The following CRACDL variants were observed in gnomAD, a reference collection of about 807,000 sequenced individuals.
CRACDL encodes CRACD-like protein.
In CRACDL, 26 loss-of-function variants were observed where a neutral mutation model predicts 70.6. The ratio of observed to expected loss-of-function variants is 0.37; its 90% CI spans 0.27 to 0.51. The LOEUF (loss-of-function observed/expected upper bound fraction) is 0.51. Among genes scored for constraint, CRACDL ranks in the 20% least tolerant of loss-of-function variants. CRACDL has a pLI of 0.94. For missense variants in CRACDL, 1,283 were observed against 1,376.9 expected (o/e 0.93, Z 1.08); for synonymous variants, 618 against 615.2 (o/e 1.00, Z -0.07).
In CRACDL at chr2:98,915,219, A is replaced by G. The variant is rs1025810832; in HGVS notation, c.-11+20719T>C. Among the ~76,000 whole-genome samples, 14 of 152,326 alleles carry G rather than the reference A, an allele frequency of 9.2e-5. No individual in the cohort carries two copies. The East Asian group carries it at 2.7e-3, about 29-fold the overall frequency. ...CCTGAGGAGACTCAGGCTCAGAGAC[A>G]AGGGGGCACAGAGTGCTGGAGAGGT... On this transcript the variant is annotated intron_variant, in intron 1 of 9. Coordinates refer to ENST00000397899, the MANE Select transcript of CRACDL (RefSeq NM_207362.3).
intron 5 of CRACDL, among the ~76,000 whole-genome samples, chr2:98,831,753 G>A (rs893706538): frequency 8.5e-5 from 13 of 152,100 alleles, no homozygotes; most frequent in African/African-American, 3.1e-4. Flanking sequence ...CGAGTTCCTC[G>A]GGGCCCCCCT....
At position 98,815,657 on chromosome 2, in the gene CRACDL, C is replaced by T. The variant is rs1704754159; in HGVS notation, c.2416+6200G>A. ...TCAAAAGAGCTCTGACCCATAGGAG[C>T]TGCTGTGGGGAGAGGCAGGTACTCA... On this transcript the variant is annotated intron_variant, in intron 7 of 9. Coordinates refer to ENST00000397899, the MANE Select transcript of CRACDL (RefSeq NM_207362.3). 2.0e-5 allele frequency among the ~76,000 whole-genome samples: 3 copies of T among 152,332 alleles called. 1 individual carries two copies. In the South Asian group the frequency reaches 6.2e-4, roughly 32 times the overall value.
intron 1 of CRACDL, among the ~76,000 whole-genome samples, chr2:98,852,894 T>G (rs1573074251): frequency 7.8e-6 from 1 of 128,068 alleles, no homozygotes. Flanking sequence ...AAACAGGGAG[T>G]GGGGGGAGTG....
In CRACDL at chr2:98,821,821, G is replaced by C. The variant is rs567746539; in HGVS notation, c.2416+36C>G. ...GTGCCCGTGGATGTGGATCTCCCCA[G>C]GCCCTGCCCTTCCCGCACCCTCGGC... On this transcript the variant is annotated intron_variant, in intron 7 of 9. Transcript: ENST00000397899. The C allele has an allele frequency of 8.4e-5, 134 of 1,600,726 alleles. 1 individual carries two copies. Among genetic ancestry groups the C allele is most frequent in the South Asian group, 1.2e-4 (11 of 89,672 alleles).
At chr2:98,920,152 C>G (rs372600699) in intron 1 of CRACDL, among the ~76,000 whole-genome samples, 1 of 152,092 alleles carries the variant, frequency 6.6e-6, no homozygotes, top group Non-Finnish European at 1.5e-5. Flanking sequence ...TGGAAACAAC[C>G]GAAATATGTA....
At chr2:98,871,808 C>A (rs1433986437) in intron 1 of CRACDL, among the ~76,000 whole-genome samples, 4 of 152,116 alleles carry the variant, frequency 2.6e-5, no homozygotes, top group African/African-American at 9.7e-5. Context: ...AATCATGATA[C>A]AGGAAAATAT....
chr2:98,891,237 C>T (rs999510699), intron 1 of CRACDL, among the ~76,000 whole-genome samples: 2 of 151,542 alleles, frequency 1.3e-5, no homozygotes, highest in Non-Finnish European at 2.9e-5. Context: ...ATTAGCCAGG[C>T]ATGGTGGTGG....
At chr2:98,795,077 A>AT (rs1181969802) in intron 9 of CRACDL, among the ~76,000 whole-genome samples, 25,939 of 58,618 alleles carry the variant, frequency 0.44, 6,947 homozygotes, top group Middle Eastern at 0.57. Context: ...ATATATATAT[A>AT]TTTTTTTTTT....
intron 7 of CRACDL, among the ~76,000 whole-genome samples, chr2:98,810,938 A>G (rs1383650086): frequency 6.6e-6 from 1 of 152,104 alleles, no homozygotes; most frequent in Non-Finnish European, 1.5e-5. Context: ...GTAACCCTTA[A>G]AAAGAAAGAC....
At chr2:98,876,239 C>A (rs968113521) in intron 1 of CRACDL, among the ~76,000 whole-genome samples, 1 of 152,160 alleles carries the variant, frequency 6.6e-6, no homozygotes, top group Non-Finnish European at 1.5e-5. Context: ...CTTTACAGAT[C>A]TAAAATCACC....
At chr2:98,887,465 G>T (rs956585595) in intron 1 of CRACDL, among the ~76,000 whole-genome samples, 1 of 152,100 alleles carries the variant, frequency 6.6e-6, no homozygotes, top group Non-Finnish European at 1.5e-5. Flanking sequence ...TCCAGCCGGG[G>T]TGACAAAGAA....
At chr2:98,824,666 C>G (rs953054014) in intron 6 of CRACDL, among the ~76,000 whole-genome samples, 1 of 152,190 alleles carries the variant, frequency 6.6e-6, no homozygotes, top group African/African-American at 2.4e-5. Context: ...TTCCCCTTTT[C>G]TAAAGCAGGA....
chr2:98,865,798 CTT>C (rs1157009185), intron 1 of CRACDL, among the ~76,000 whole-genome samples: 3,954 of 134,286 alleles, frequency 0.029, 109 homozygotes, highest in South Asian at 0.17. Context: ...GGACTTTCTG[CTT>C]TTTTTTTTTT....
intron 7 of CRACDL, among the ~76,000 whole-genome samples, chr2:98,815,529 G>A (rs1398553304): frequency 6.6e-6 from 1 of 152,236 alleles, no homozygotes; most frequent in Non-Finnish European, 1.5e-5. Context: ...GCAAGGGAAA[G>A]GAGCCTGCAG....
At chr2:98,805,511 C>T (rs138025720) in intron 7 of CRACDL, among the ~76,000 whole-genome samples, 1 of 152,092 alleles carries the variant, frequency 6.6e-6, no homozygotes, top group Non-Finnish European at 1.5e-5. Context: ...GGCCTCACCC[C>T]CTTTGCCTTT....
At chr2:98,837,996 A>T (rs1474450192) in intron 3 of CRACDL, 123 bp downstream of exon 3, 1 of 772,556 alleles carries the variant, frequency 1.3e-6, no homozygotes, top group Non-Finnish European at 2.0e-6. Flanking sequence ...CACAACTTCT[A>T]TGGAAGAACC....
intron 1 of CRACDL, among the ~76,000 whole-genome samples, chr2:98,914,860 C>T (rs1001167695): frequency 2.6e-5 from 4 of 152,334 alleles, no homozygotes; most frequent in Admixed American, 2.6e-4. Context: ...GGTTAGACAG[C>T]ACCATCCCAG....
intron 1 of CRACDL, among the ~76,000 whole-genome samples, chr2:98,880,896 A>C (rs1034214820): frequency 2.0e-5 from 3 of 152,100 alleles, no homozygotes; most frequent in Admixed American, 6.5e-5. Context: ...TCCCCTACTC[A>C]CTTGGCCCCT....
chr2:98,814,777 GTC>G (rs1349847606), intron 7 of CRACDL, among the ~76,000 whole-genome samples: 1 of 152,108 alleles, frequency 6.6e-6, no homozygotes, highest in Non-Finnish European at 1.5e-5. Context: ...GAGTGCTAAA[GTC>G]TCTACATCTT....
Sources: allele counts gnomAD v4.1 joint callset (sites outside exome capture counted in the v4.1 genomes callset), GRCh38; gene constraint gnomAD v4.1.1; transcripts MANE v1.5; gene names NCBI Gene and HGNC (gene_info 2026-07-23, HGNC 2026-07-21).